Variants in RFX3 observed in about 807,000 individuals in gnomAD.
The protein encoded by RFX3 is regulatory factor X3, also known as transcription factor RFX3.
A neutral mutation model predicts 98.6 loss-of-function variants in RFX3; 14 were observed. The ratio of observed to expected loss-of-function variants is 0.14; its 90% CI spans 0.09 to 0.22. The LOEUF (loss-of-function observed/expected upper bound fraction) is 0.22. Ranked by LOEUF, RFX3 falls within the 10% of genes least tolerant of loss-of-function variation. The pLI, the probability that RFX3 is intolerant of heterozygous loss-of-function variation, is 1.00. For synonymous variants in RFX3, 383 were observed against 328.4 expected, an observed-to-expected ratio of 1.17 and a Z score of -1.80; for missense variants, 639 against 926.9, an observed-to-expected ratio of 0.69 and a Z score of 4.03.
chr9:3,471,313 T>C (rs759536902), intron 1 of RFX3, among the ~76,000 whole-genome samples: 3 of 152,252 alleles, frequency 2.0e-5, no homozygotes, highest in Non-Finnish European at 4.4e-5. Context: ...AATATCATTC[T>C]GGCATCATTT....
chr9:3,478,285 C>T (rs770218899), intron 1 of RFX3, among the ~76,000 whole-genome samples: 26 of 152,054 alleles, frequency 1.7e-4, no homozygotes, highest in Admixed American at 3.9e-4. Context: ...CCACATTATT[C>T]CCCTAAATTT....
At chr9:3,232,659 G>A (rs1425554199) in intron 15 of RFX3, among the ~76,000 whole-genome samples, 1 of 152,154 alleles carries the variant, frequency 6.6e-6, no homozygotes, top group African/African-American at 2.4e-5. Flanking sequence ...CAAGTTAAGT[G>A]TTTAGATTTC....
rs1586621086 is a variant in RFX3 at position 3,218,328 on chromosome 9, T to G, written c.*6714A>C. On this transcript the variant is annotated 3_prime_UTR_variant, in exon 17 of 17. Coordinates refer to ENST00000617270, the MANE Select transcript of RFX3 (RefSeq NM_001282116.2). ...TAACAAGGAAACAAATTTATTGATT[T>G]TAAAAGACAAGACACCATTTTGTTT... 6.6e-6 allele frequency: 1 copy of G among 152,276 alleles called. No homozygotes were observed. The highest frequency in any genetic ancestry group is 1.9e-4 in the East Asian group (1 of 5,190). The allele number at this position is 152,276 out of a possible 1,614,324, so 9.4% of individuals were successfully genotyped here.
intron 3 of RFX3, among the ~76,000 whole-genome samples, chr9:3,340,852 C>T (rs990441751): frequency 2.0e-5 from 3 of 152,152 alleles, no homozygotes; most frequent in African/African-American, 7.2e-5. Flanking sequence ...GTGGCGATTC[C>T]TCAGGGATCT....
chr9:3,339,844 T>C (rs111821033), intron 3 of RFX3, among the ~76,000 whole-genome samples: 95 of 152,176 alleles, frequency 6.2e-4, no homozygotes, highest in African/African-American at 2.1e-3. Flanking sequence ...AATTTATAGA[T>C]TCAATGCCAT....
intron 1 of RFX3, among the ~76,000 whole-genome samples, chr9:3,406,667 A>T (rs1003240037): frequency 1.3e-5 from 2 of 152,168 alleles, no homozygotes; most frequent in African/African-American, 4.8e-5. Flanking sequence ...AAACATTACT[A>T]TTAGAATATG....
At chr9:3,512,620 A>G (rs894972985) in intron 1 of RFX3, among the ~76,000 whole-genome samples, 1 of 151,972 alleles carries the variant, frequency 6.6e-6, no homozygotes, top group African/African-American at 2.4e-5. Context: ...ATGTCTAGAA[A>G]TAGTCAAACC....
At chr9:3,255,363 T>C (rs1411437275) in intron 14 of RFX3, among the ~76,000 whole-genome samples, 2 of 152,178 alleles carry the variant, frequency 1.3e-5, no homozygotes, top group African/African-American at 4.8e-5. Flanking sequence ...TCATAGTCTT[T>C]CCCTCCTCAC....
chr9:3,323,691 T>G (rs1205896807), intron 4 of RFX3, among the ~76,000 whole-genome samples: 1 of 152,202 alleles, frequency 6.6e-6, no homozygotes, highest in Non-Finnish European at 1.5e-5. Flanking sequence ...GAAATGCTGT[T>G]TCAAATATGA....
At chr9:3,519,023 G>C in intron 1 of RFX3, among the ~76,000 whole-genome samples, 1 of 152,128 alleles carries the variant, frequency 6.6e-6, no homozygotes, top group Non-Finnish European at 1.5e-5. Flanking sequence ...ACTACATTCA[G>C]TATAAAGTTT....
intron 15 of RFX3, among the ~76,000 whole-genome samples, chr9:3,235,136 G>A (rs541429833): frequency 1.3e-5 from 2 of 152,350 alleles, no homozygotes; most frequent in East Asian, 3.9e-4. Flanking sequence ...TGCAAGACAA[G>A]AGATTAGGGA....
intron 15 of RFX3, among the ~76,000 whole-genome samples, chr9:3,237,475 T>C (rs897291803): frequency 2.0e-5 from 3 of 152,208 alleles, no homozygotes; most frequent in African/African-American, 4.8e-5. Context: ...GATCTAATTA[T>C]ATACATTATT....
chr9:3,426,348 A>G (rs1844032036), intron 1 of RFX3, among the ~76,000 whole-genome samples: 1 of 151,740 alleles, frequency 6.6e-6, no homozygotes, highest in African/African-American at 2.4e-5. Context: ...TTGTATTACA[A>G]ACATCCAATA....
intron 13 of RFX3, among the ~76,000 whole-genome samples, 183 bp from the exon 14 acceptor site, chr9:3,257,382 G>A (rs1822274962): frequency 6.6e-6 from 1 of 152,076 alleles, no homozygotes; most frequent in Admixed American, 6.6e-5. Flanking sequence ...TCAGTTTTAA[G>A]GGATGAGTAT....
chr9:3,241,147 T>C (rs889175605), intron 15 of RFX3, among the ~76,000 whole-genome samples: 2 of 152,154 alleles, frequency 1.3e-5, no homozygotes, highest in Non-Finnish European at 2.9e-5. Flanking sequence ...AAAGTCCAAC[T>C]TCATAGTATT....
In RFX3 at chr9:3,330,368, A is replaced by T; in HGVS notation, c.365T>A (p.Val122Asp). The T allele has an allele frequency of 6.2e-7, 1 of 1,614,110 alleles. No homozygotes were observed. The highest frequency in any genetic ancestry group is 8.5e-7 in the Non-Finnish European group (1 of 1,180,022). ...GCTGCTGATGAGTTGTCCTCCTGTG[A>T]CGCCCATCTGAATCCCACCAGTGCC... ...MVGTGGIQMG[V>D]TGGQLISSSG... is the part of the protein sequence containing the mutation. The change falls in exon 4 of 17, where the codon GTC becomes GAC. Residue 122 changes from valine (V) to aspartate (D), a missense_variant. Val to Asp is a radical substitution (Grantham distance 152, BLOSUM62 -3). Around this residue, in one of 9 missense-constraint regions of RFX3, gnomAD observed 210 missense variants for 197.7 expected, o/e 1.06. Coordinates refer to ENST00000617270, the MANE Select transcript of RFX3 (RefSeq NM_001282116.2).
chr9:3,281,757 G>A (rs1217396711), intron 7 of RFX3, among the ~76,000 whole-genome samples: 2 of 151,742 alleles, frequency 1.3e-5, no homozygotes, highest in South Asian at 4.1e-4. Context: ...CCTCCATGGG[G>A]TTAGTCACAG....
intron 1 of RFX3, among the ~76,000 whole-genome samples, chr9:3,416,861 C>A (rs1843027146): frequency 6.6e-6 from 1 of 151,778 alleles, no homozygotes; most frequent in Non-Finnish European, 1.5e-5. Context: ...AAATAAATGG[C>A]AACACAGTAG....
chr9:3,363,391 A>G (rs989364037), intron 2 of RFX3, among the ~76,000 whole-genome samples: 9 of 152,338 alleles, frequency 5.9e-5, no homozygotes, highest in African/African-American at 2.2e-4. Context: ...TGCTGTGAAT[A>G]CATAGATACA....
Sources: allele counts gnomAD v4.1 joint callset (sites outside exome capture counted in the v4.1 genomes callset), GRCh38; gene constraint gnomAD v4.1.1; regional missense constraint gnomAD v4.1.1; transcripts MANE v1.5; gene names NCBI Gene and HGNC (gene_info 2026-07-23, HGNC 2026-07-21).